Variants in PRKCQ observed in about 807,000 individuals in gnomAD.
PRKCQ encodes protein kinase C theta, also known as protein kinase C theta type.
In PRKCQ, 41 loss-of-function variants were observed where a neutral mutation model predicts 91.2. The ratio of observed to expected loss-of-function variants is 0.45; its 90% CI spans 0.35 to 0.58. PRKCQ has a LOEUF of 0.58. PRKCQ is among the 20% of genes least tolerant of loss of function. The probability of loss-of-function intolerance (pLI) is 0.00; values close to 1 mark genes in which losing one functional copy is unlikely to be tolerated. For missense variants in PRKCQ, 673 were observed against 896.5 expected, an observed-to-expected ratio of 0.75 and a Z score of 3.18; for synonymous variants, 307 against 316.9, an observed-to-expected ratio of 0.97 and a Z score of 0.33.
intron 1 of PRKCQ, among the ~76,000 whole-genome samples, chr10:6,577,540 TACACACACACATAC>T (rs1372808284): frequency 3.9e-5 from 6 of 152,038 alleles, no homozygotes; most frequent in Non-Finnish European, 5.9e-5. Flanking sequence ...AATTACAGAT[TACACACACACATAC>T]ACACACACAC....
chr10:6,406,487 A>G, the PRKCQ span, among the ~76,000 whole-genome samples: 1 of 152,148 alleles, frequency 6.6e-6, no homozygotes, highest in Admixed American at 6.5e-5. Flanking sequence ...AATTTGTTGT[A>G]TGGTACTGAG....
At chr10:6,534,751 A>T (rs1458312099) in intron 1 of PRKCQ, among the ~76,000 whole-genome samples, 1 of 145,094 alleles carries the variant, frequency 6.9e-6, no homozygotes, top group Non-Finnish European at 1.5e-5. Flanking sequence ...GAATATACTT[A>T]AAAGTTAAAT....
Position 6,465,668 on chromosome 10 carries a change from G to A in PRKCQ, c.1354-1264C>T, listed in dbSNP as rs573275074. Among the ~76,000 whole-genome samples the A allele has an allele frequency of 8.5e-5, 13 of 152,348 alleles. No individual in the cohort carries two copies. The highest frequency in any genetic ancestry group is 2.0e-4 in the Admixed American group (3 of 15,310). On this transcript the variant is annotated intron_variant, in intron 12 of 17. Coordinates refer to ENST00000263125, the MANE Select transcript of PRKCQ (RefSeq NM_006257.5). This position sits in a 1 kb window ranked among gnomAD's most constrained non-coding sequence, Gnocchi z 4.4. ...TTTTGATGTGAACCCAACCGAGGCC[G>A]TGGGGCATAGGAGGTAATAGTAGAA...
downstream of PRKCQ, among the ~76,000 whole-genome samples, chr10:6,423,297 AC>A (rs1247392485): frequency 1.3e-5 from 2 of 152,190 alleles, no homozygotes; most frequent in African/African-American, 4.8e-5. Flanking sequence ...GCTCTGATAT[AC>A]ACACACAGGC....
intron 14 of PRKCQ, among the ~76,000 whole-genome samples, chr10:6,457,252 A>G (rs1835059975): frequency 6.6e-6 from 1 of 152,236 alleles, no homozygotes; most frequent in African/African-American, 2.4e-5. Flanking sequence ...ACCGGAATCC[A>G]TCCAACGCCA....
the PRKCQ span, among the ~76,000 whole-genome samples, chr10:6,403,956 A>G: frequency 1.3e-5 from 2 of 152,108 alleles, no homozygotes; most frequent in Non-Finnish European, 2.9e-5. Flanking sequence ...TGATTTTACA[A>G]TCTCTATGGT....
chr10:6,399,789 A>G, the PRKCQ span, among the ~76,000 whole-genome samples: 1 of 152,130 alleles, frequency 6.6e-6, no homozygotes, highest in Non-Finnish European at 1.5e-5. Context: ...TCATGATGAA[A>G]AAGTTCTCCA....
At chr10:6,505,835 T>C (rs995043129) in intron 4 of PRKCQ, among the ~76,000 whole-genome samples, 3 of 152,026 alleles carry the variant, frequency 2.0e-5, no homozygotes, top group Admixed American at 2.0e-4. Context: ...TGGTAGAGAA[T>C]GGGTTTTGCC....
intron 15 of PRKCQ, among the ~76,000 whole-genome samples, chr10:6,455,109 G>T (rs1471609918): frequency 6.6e-6 from 1 of 152,188 alleles, no homozygotes; most frequent in Non-Finnish European, 1.5e-5. Context: ...TGCTGCTGGG[G>T]ATGGCAGTGA....
At chr10:6,557,917 A>AT (rs1034919061) in intron 1 of PRKCQ, among the ~76,000 whole-genome samples, 1 of 151,940 alleles carries the variant, frequency 6.6e-6, no homozygotes, top group African/African-American at 2.4e-5. Flanking sequence ...AGTCCCATGG[A>AT]TTTTTCTGGT....
In PRKCQ at chr10:6,464,296, C is replaced by T; in HGVS notation, c.1445+17G>A. 6.2e-7 allele frequency: 1 copy of T among 1,605,872 alleles called. No individual in the cohort carries two copies. Among genetic ancestry groups the T allele is most frequent in the Non-Finnish European group, 8.5e-7 (1 of 1,175,650 alleles). The stretch of plus-strand genomic sequence containing the variant: ...CAAGAACAGTGGAAAACTCCCAAAC[C>T]CTTTAAAGCCTCTTACGTCGCTCTG... On this transcript the variant is annotated intron_variant, in intron 13 of 17. Coordinates refer to ENST00000263125, the MANE Select transcript of PRKCQ (RefSeq NM_006257.5).
At chr10:6,469,514 G>C (rs1835851538) in intron 12 of PRKCQ, among the ~76,000 whole-genome samples, 1 of 152,180 alleles carries the variant, frequency 6.6e-6, no homozygotes, top group Non-Finnish European at 1.5e-5. Context: ...GTGAGGGGCT[G>C]GGCGGAACCC....
chr10:6,449,900 A>G (rs1451744878), intron 15 of PRKCQ, among the ~76,000 whole-genome samples: 1 of 152,166 alleles, frequency 6.6e-6, no homozygotes, highest in African/African-American at 2.4e-5. Context: ...TTTTGTCACC[A>G]CCAGGCCTGC....
At chr10:6,395,075 T>TTTTTTTTTTC in the PRKCQ span, among the ~76,000 whole-genome samples, 532 of 135,638 alleles carry the variant, frequency 3.9e-3, 10 homozygotes, top group African/African-American at 0.015. Flanking sequence ...TTTTTTTTTT[T>TTTTTTTTTTC]TTTTTGAGAC....
intron 16 of PRKCQ, among the ~76,000 whole-genome samples, chr10:6,440,804 C>T (rs1833931296): frequency 6.6e-6 from 1 of 152,144 alleles, no homozygotes; most frequent in Non-Finnish European, 1.5e-5. Flanking sequence ...GCTTGGCCAA[C>T]ATGGTGAAAC....
chr10:6,456,493 C>T (rs776524220), intron 15 of PRKCQ, among the ~76,000 whole-genome samples, 181 bp downstream of exon 15: 4 of 152,144 alleles, frequency 2.6e-5, no homozygotes, highest in Admixed American at 6.5e-5. Flanking sequence ...GTAAAAGTAG[C>T]GCTCCCCACA....
At chr10:6,521,203 G>C (rs879481778) in intron 1 of PRKCQ, among the ~76,000 whole-genome samples, 1 of 152,168 alleles carries the variant, frequency 6.6e-6, no homozygotes, top group African/African-American at 2.4e-5. Flanking sequence ...CTCCAGAGCT[G>C]ATCCCCCTGT....
intron 15 of PRKCQ, among the ~76,000 whole-genome samples, chr10:6,455,709 C>T (rs115968905): frequency 6.6e-6 from 1 of 152,180 alleles, no homozygotes; most frequent in Admixed American, 6.5e-5. Flanking sequence ...GAGAAGATGG[C>T]ATAGCACCAT....
the PRKCQ span, among the ~76,000 whole-genome samples, chr10:6,404,409 T>G: frequency 6.6e-6 from 1 of 150,976 alleles, no homozygotes; most frequent in African/African-American, 2.4e-5. Flanking sequence ...CTTTCCTTCT[T>G]TCTTTCTTTT....
Sources: allele counts gnomAD v4.1 joint callset (sites outside exome capture counted in the v4.1 genomes callset), GRCh38; gene constraint gnomAD v4.1.1; non-coding constraint Gnocchi (gnomAD v3.1); transcripts MANE v1.5; gene names NCBI Gene and HGNC (gene_info 2026-07-23, HGNC 2026-07-21).